Variants in KCNIP1 observed in about 807,000 individuals in gnomAD.
KCNIP1 encodes the protein A-type potassium channel modulatory protein KCNIP1.
Under a neutral mutation model 33.0 loss-of-function variants are expected in KCNIP1, and 18 were observed. That is an observed-to-expected ratio of 0.55 (90% CI 0.38 to 0.81). The LOEUF is 0.81. KCNIP1 is among the 30% of genes least tolerant of loss of function. The pLI, the probability that KCNIP1 is intolerant of heterozygous loss-of-function variation, is 0.00. For missense variants in KCNIP1, 238 were observed against 271.6 expected (o/e 0.88, Z 0.87); for synonymous variants, 93 against 98.3 (o/e 0.95, Z 0.32).
chr5:170,665,114 AG>A, intron 1 of KCNIP1, among the ~76,000 whole-genome samples: 2 of 152,222 alleles, frequency 1.3e-5, no homozygotes. Flanking sequence ...CAAAAGGACC[AG>A]GGCTTGGGTA....
At chr5:170,383,693 C>T (rs1211658154) in intron 1 of KCNIP1, 2 of 1,614,132 alleles carry the variant, frequency 1.2e-6, no homozygotes, top group African/African-American at 1.3e-5. Context: ...TGGTTCTGGT[C>T]CCGAGTGTCC....
At chr5:170,525,643 C>T (rs1169039474) in intron 1 of KCNIP1, among the ~76,000 whole-genome samples, 3 of 152,226 alleles carry the variant, frequency 2.0e-5, no homozygotes, top group African/African-American at 4.8e-5. Flanking sequence ...CTGACTCAGA[C>T]TGCAGTGTTG....
intron 1 of KCNIP1, among the ~76,000 whole-genome samples, chr5:170,537,419 G>A (rs981389801): frequency 2.0e-5 from 3 of 152,208 alleles, no homozygotes; most frequent in African/African-American, 7.2e-5. Context: ...GTGATTCTAG[G>A]CAAGTGATGT....
intron 1 of KCNIP1, among the ~76,000 whole-genome samples, chr5:170,392,062 C>T (rs928638501): frequency 2.6e-5 from 4 of 152,156 alleles, no homozygotes; most frequent in African/African-American, 4.8e-5. Context: ...AAGTCATAGA[C>T]GGGGGCTCGA....
intron 1 of KCNIP1, among the ~76,000 whole-genome samples, chr5:170,547,965 T>TTACATTGTG (rs1756478748): frequency 6.6e-6 from 1 of 152,212 alleles, no homozygotes; most frequent in South Asian, 2.1e-4. Flanking sequence ...CCACAATGTT[T>TTACATTGTG]GAACTAATTT....
chr5:170,485,590 T>G (rs1345740367), intron 1 of KCNIP1, among the ~76,000 whole-genome samples: 1 of 152,182 alleles, frequency 6.6e-6, no homozygotes, highest in Non-Finnish European at 1.5e-5. Flanking sequence ...AGGGCAGCTC[T>G]GAGTCTCCAC....
At chr5:170,415,224 C>T (rs1755296332) in intron 1 of KCNIP1, among the ~76,000 whole-genome samples, 1 of 152,126 alleles carries the variant, frequency 6.6e-6, no homozygotes, top group East Asian at 1.9e-4. Context: ...AGGGGTTTGC[C>T]TGCTGATTTC....
At chr5:170,443,995 A>T (rs1276038053) in intron 1 of KCNIP1, among the ~76,000 whole-genome samples, 1 of 152,340 alleles carries the variant, frequency 6.6e-6, no homozygotes, top group South Asian at 2.1e-4. Flanking sequence ...GGTTAAGAAG[A>T]TATATCTGTT....
rs1484394369 is a variant in KCNIP1 at position 170,489,941 on chromosome 5, GC to G, written c.88+135979del. On this transcript the variant is annotated intron_variant, in intron 1 of 7. Coordinates refer to the KCNIP1 transcript ENST00000377360. This position sits in a 1 kb window ranked among gnomAD's most constrained non-coding sequence, Gnocchi z 4.3. ...ATCTGCCATGTGCAGGGAATAATGA[GC>G]CTGGCAGCTGCAAGAAGGAGATGAG... is the stretch of plus-strand genomic sequence containing the variant. Among the ~76,000 whole-genome samples, 3 of 152,190 alleles carry G rather than the reference GC, an allele frequency of 2.0e-5. No individual in the cohort carries two copies. The highest frequency in any genetic ancestry group is 4.8e-5 in the African/African-American group (2 of 41,444).
chr5:170,525,370 G>A (rs1008475134), intron 1 of KCNIP1, among the ~76,000 whole-genome samples: 3 of 152,334 alleles, frequency 2.0e-5, no homozygotes, highest in Admixed American at 6.5e-5. Flanking sequence ...ATAGAGTTGT[G>A]TGGATAAGCG....
chr5:170,362,711 G>A (rs1368785474), intron 1 of KCNIP1, among the ~76,000 whole-genome samples: 1 of 152,234 alleles, frequency 6.6e-6, no homozygotes, highest in Non-Finnish European at 1.5e-5. Context: ...GCAGGAATCA[G>A]GTAGGGAGGT....
intron 1 of KCNIP1, among the ~76,000 whole-genome samples, chr5:170,452,449 A>G (rs1756277267): frequency 6.6e-6 from 1 of 152,170 alleles, no homozygotes; most frequent in South Asian, 2.1e-4. Context: ...TCTGCCTGGA[A>G]TGAGGGCTGG....
intron 1 of KCNIP1, among the ~76,000 whole-genome samples, chr5:170,660,911 C>T (rs751315268): frequency 3.3e-5 from 5 of 152,170 alleles, no homozygotes; most frequent in Admixed American, 2.0e-4. Flanking sequence ...ATTAACAAGT[C>T]GAGGTTTGGG....
At chr5:170,565,254 G>C (rs1330590367) in intron 1 of KCNIP1, among the ~76,000 whole-genome samples, 2 of 152,122 alleles carry the variant, frequency 1.3e-5, no homozygotes, top group Non-Finnish European at 2.9e-5. Context: ...TTCCAGTTAT[G>C]CAAATGCCCT....
intron 1 of KCNIP1, among the ~76,000 whole-genome samples, chr5:170,393,712 C>T (rs1355758301): frequency 6.6e-6 from 1 of 152,150 alleles, no homozygotes; most frequent in East Asian, 1.9e-4. Flanking sequence ...GGTCACACAA[C>T]AAGACACGAC....
chr5:170,685,442 T>A (rs1362115138), intron 1 of KCNIP1, among the ~76,000 whole-genome samples: 1 of 148,192 alleles, frequency 6.7e-6, no homozygotes, highest in Admixed American at 6.8e-5. Context: ...GCACACTAGA[T>A]GTGAGGACCA....
At chr5:170,478,929 C>A (rs1176987071) in intron 1 of KCNIP1, among the ~76,000 whole-genome samples, 1 of 152,056 alleles carries the variant, frequency 6.6e-6, no homozygotes, top group East Asian at 1.9e-4. Context: ...AAAGGTTGGC[C>A]ATATTTGCAG....
intron 1 of KCNIP1, among the ~76,000 whole-genome samples, chr5:170,646,147 G>T (rs527554266): frequency 1.4e-4 from 21 of 152,286 alleles, no homozygotes; most frequent in African/African-American, 2.6e-4. Flanking sequence ...AGGCTGATTG[G>T]TGAATTCTAA....
At chr5:170,448,380 C>T (rs545536932) in intron 1 of KCNIP1, among the ~76,000 whole-genome samples, 25 of 152,366 alleles carry the variant, frequency 1.6e-4, no homozygotes, top group South Asian at 8.3e-4. Flanking sequence ...TGTCCTCTTA[C>T]GCCCACATCC....
Sources: gnomAD v4.1 joint callset for allele counts (sites outside exome capture counted in the v4.1 genomes callset) on GRCh38, gnomAD v4.1.1 for gene constraint, Gnocchi (gnomAD v3.1) non-coding constraint, MANE v1.5 for transcripts, NCBI Gene and HGNC (gene_info 2026-07-23, HGNC 2026-07-21) for gene names.